APIP: variants seen among roughly 807,000 people sequenced by gnomAD.
The protein encoded by APIP is APAF1 interacting protein, also known as methylthioribulose-1-phosphate dehydratase.
In APIP, 32 loss-of-function variants were observed where a neutral mutation model predicts 32.0. The observed-to-expected ratio is 1.00, with a 90% CI of 0.76 to 1.34. The LOEUF (loss-of-function observed/expected upper bound fraction) is 1.34. APIP is among the 40% of genes most tolerant of loss of function. APIP has a pLI of 0.00. For missense variants in APIP, 247 were observed against 298.6 expected (o/e 0.83, Z 1.27); for synonymous variants, 92 against 94.8 (o/e 0.97, Z 0.17).
chr11:34,912,962 T>C (rs1024167436), intron 1 of APIP, among the ~76,000 whole-genome samples: 2 of 152,196 alleles, frequency 1.3e-5, no homozygotes, highest in African/African-American at 4.8e-5. Flanking sequence ...AAACTGTTTC[T>C]TCCTCCTGTA....
chr11:34,886,183 A>C (rs1039178361), intron 5 of APIP, among the ~76,000 whole-genome samples: 2 of 152,160 alleles, frequency 1.3e-5, no homozygotes, highest in Non-Finnish European at 1.5e-5. Context: ...TGACAGCTCC[A>C]TGCATGTTAC....
At chr11:34,901,437 T>C (rs1853368420) in intron 1 of APIP, among the ~76,000 whole-genome samples, 1 of 151,848 alleles carries the variant, frequency 6.6e-6, no homozygotes, top group African/African-American at 2.4e-5. Context: ...CAGACTGCCA[T>C]TACAGCACAG....
intron 1 of APIP, among the ~76,000 whole-genome samples, chr11:34,906,424 C>T (rs1853457632): frequency 6.6e-6 from 1 of 152,182 alleles, no homozygotes; most frequent in African/African-American, 2.4e-5. Context: ...ATGCACATGA[C>T]AATCCCATCT....
At chr11:34,888,715 G>A (rs2133905807) in intron 4 of APIP, 37 bp downstream of exon 4, 2 of 1,410,208 alleles carry the variant, frequency 1.4e-6, no homozygotes, top group East Asian at 2.5e-5. Flanking sequence ...AGCCTACTCT[G>A]CAAATATTCT....
At chr11:34,905,085 A>G (rs1590712590) in intron 1 of APIP, among the ~76,000 whole-genome samples, 1 of 152,352 alleles carries the variant, frequency 6.6e-6, no homozygotes, top group East Asian at 1.9e-4. Flanking sequence ...CAGTAGGACT[A>G]TATGCTGTAG....
intron 1 of APIP, among the ~76,000 whole-genome samples, chr11:34,907,316 A>G (rs916998093): frequency 2.0e-5 from 3 of 152,202 alleles, no homozygotes; most frequent in African/African-American, 7.2e-5. Flanking sequence ...CAGTCTTCCA[A>G]CCCTTAAAAC....
At chr11:34,891,952 T>C (rs1853192986) in intron 2 of APIP, among the ~76,000 whole-genome samples, 1 of 152,126 alleles carries the variant, frequency 6.6e-6, no homozygotes, top group Non-Finnish European at 1.5e-5. Flanking sequence ...TCTTCTTATG[T>C]GGGGAGAAAT....
chr11:34,887,813 C>A (rs1853104768), intron 5 of APIP, among the ~76,000 whole-genome samples: 1 of 151,990 alleles, frequency 6.6e-6, no homozygotes, highest in Admixed American at 6.6e-5. Context: ...ACTTACTATC[C>A]ATTTCACCTT....
chr11:34,888,292 C>A lies in APIP; in HGVS notation c.461+1G>T, dbSNP rs775797430. 3.8e-6 allele frequency: 6 copies of A among 1,572,840 alleles called. No homozygotes were observed. In the South Asian group the frequency reaches 7.3e-5, roughly 19 times the overall value. On this transcript the variant is annotated splice_donor_variant, in intron 5 of 6. Coordinates refer to ENST00000395787, the MANE Select transcript of APIP (RefSeq NM_015957.4). LOFTEE classifies it high-confidence loss of function. ...ATTTAAGAAAAAGGAAAAAAAAATA[C>A]CTATAATACCCTCCGGAAGTACATT... is the stretch of plus-strand genomic sequence containing the variant.
chr11:34,898,215 C>T (rs1440779054), intron 1 of APIP, among the ~76,000 whole-genome samples: 1 of 151,924 alleles, frequency 6.6e-6, no homozygotes, highest in Admixed American at 6.6e-5. Context: ...GGGCTCTTGG[C>T]CTCTATTTTA....
chr11:34,883,635 C>T (rs1295876927), intron 5 of APIP, 131 bp from the exon 6 acceptor site: 2 of 830,094 alleles, frequency 2.4e-6, no homozygotes, highest in Non-Finnish European at 3.7e-6. Flanking sequence ...AAATTATGAA[C>T]AGGATGTTGC....
chr11:34,882,852 C>A lies in APIP; in HGVS notation c.630-36G>T, dbSNP rs2288667. On this transcript the variant is annotated intron_variant, in intron 6 of 6. Coordinates refer to ENST00000395787, the MANE Select transcript of APIP (RefSeq NM_015957.4). ...AAAAGCAAAAAGAACCAGTGTTTAT[C>A]GAAACAGAGTTCTCCAATCCTAAAG... The A allele has an allele frequency of 5.0e-6, 7 of 1,410,510 alleles. No individual in the cohort carries two copies. In the South Asian group the frequency reaches 8.4e-5, roughly 17 times the overall value. The allele number at this position is 1,410,510 out of a possible 1,614,324, so 87.4% of individuals were successfully genotyped here.
Position 34,882,603 on chromosome 11 carries a change from A to G in APIP, c.*114T>C. On this transcript the variant is annotated 3_prime_UTR_variant, in exon 7 of 7. Coordinates refer to ENST00000395787, the MANE Select transcript of APIP (RefSeq NM_015957.4). ...TTCAGGGTGACCATTTGCAGTATTTAGTGGCAAATTAGTAGCATCATGAAA... is the reference window on the plus strand; with the variant it reads ...TTCAGGGTGACCATTTGCAGTATTTGGTGGCAAATTAGTAGCATCATGAAA... The G allele has an allele frequency of 1.5e-6, 1 of 684,758 alleles. No individual in the cohort carries two copies. The highest frequency in any genetic ancestry group is 2.1e-5 in the South Asian group (1 of 46,818). The allele number at this position is 684,758 out of a possible 1,614,324, so 42.4% of individuals were successfully genotyped here. A position where few individuals can be genotyped will look rare whatever the true frequency, so the allele number is the denominator to read the frequency against.
chr11:34,891,715 C>T (rs141600173), intron 2 of APIP, among the ~76,000 whole-genome samples: 183 of 152,278 alleles, frequency 1.2e-3, no homozygotes, highest in Middle Eastern at 3.4e-3. Context: ...GTTAGCTGCA[C>T]GCGAGCATTT....
chr11:34,886,624 C>T (rs1853076122), intron 5 of APIP, among the ~76,000 whole-genome samples: 1 of 152,194 alleles, frequency 6.6e-6, no homozygotes, highest in Non-Finnish European at 1.5e-5. Context: ...GAACAACTTC[C>T]AGTTCTGCAA....
At chr11:34,887,061 G>A (rs1853085758) in intron 5 of APIP, among the ~76,000 whole-genome samples, 1 of 152,004 alleles carries the variant, frequency 6.6e-6, no homozygotes, top group Non-Finnish European at 1.5e-5. Context: ...CTTTTGATTA[G>A]ACTCAGGATT....
chr11:34,898,479 C>G lies in APIP; in HGVS notation c.58-3369G>C, dbSNP rs373935483. On this transcript the variant is annotated intron_variant, in intron 1 of 6. Coordinates refer to ENST00000395787, the MANE Select transcript of APIP (RefSeq NM_015957.4). ...TGGCGTTATTCAAAGGCCTCTGGGTCGGACCCAGCCTCCAACAGCCCATTT... is the reference window on the plus strand; with the variant it reads ...TGGCGTTATTCAAAGGCCTCTGGGTGGGACCCAGCCTCCAACAGCCCATTT... Among the ~76,000 whole-genome samples the G allele has an allele frequency of 4.6e-5, 7 of 152,266 alleles. No homozygotes were observed. In the South Asian group the frequency reaches 1.5e-3, roughly 32 times the overall value.
Position 34,909,435 on chromosome 11 carries a change from G to A in APIP, c.57+6793C>T, listed in dbSNP as rs79987182. Among the ~76,000 whole-genome samples the A allele has an allele frequency of 6.0e-3, 911 of 152,224 alleles. 33 individuals carry two copies. The East Asian group carries it at 0.077, about 13-fold the overall frequency. ...ATGGGACTTGGAGAAAAACGGCAGG[G>A]ATCAACTTTGATTAACGCAGTCAAG... On this transcript the variant is annotated intron_variant, in intron 1 of 6. Coordinates refer to ENST00000395787, the MANE Select transcript of APIP (RefSeq NM_015957.4).
At chr11:34,888,142 G>A in intron 5 of APIP, 151 bp downstream of exon 5, 1 of 730,892 alleles carries the variant, frequency 1.4e-6, no homozygotes, top group Non-Finnish European at 2.0e-6. Context: ...CGTGTCATGA[G>A]AATAGGTCTA....
Sources: gnomAD v4.1 joint callset for allele counts (sites outside exome capture counted in the v4.1 genomes callset) on GRCh38, gnomAD v4.1.1 for gene constraint, MANE v1.5 for transcripts, NCBI Gene and HGNC (gene_info 2026-07-23, HGNC 2026-07-21) for gene names.